IGF1R: variants seen among roughly 807,000 people sequenced by gnomAD.
IGF1R encodes insulin like growth factor 1 receptor.
IGF1R carries 44 observed loss-of-function variants against 144.6 expected under a neutral mutation model. The ratio of observed to expected loss-of-function variants is 0.30; its 90% CI spans 0.24 to 0.39. The LOEUF is 0.39. Among genes scored for constraint, IGF1R ranks in the 10% least tolerant of loss-of-function variants. IGF1R has a pLI of 1.00. For synonymous variants in IGF1R, 795 were observed against 722.8 expected (o/e 1.10, Z -1.60); for missense variants, 1,355 against 1,833.7 (o/e 0.74, Z 4.77).
rs182614808 is a variant in IGF1R at position 98,649,888 on chromosome 15, C to T, written c.94+213C>T. The stretch of plus-strand genomic sequence containing the variant: ...GTCTGGAGCCCCGCGGGCCCTGGCT[C>T]CGCGCATCCCCGCGCGGGAAGGGCT... On this transcript the variant is annotated intron_variant, in intron 1 of 20. Coordinates refer to ENST00000650285, the MANE Select transcript of IGF1R (RefSeq NM_000875.5). 3.4e-4 allele frequency among the ~76,000 whole-genome samples: 52 copies of T among 152,238 alleles called. No homozygotes were observed. The South Asian group carries it at 3.7e-3, about 11-fold the overall frequency.
chr15:98,700,160 T>C (rs1018794155), intron 1 of IGF1R, among the ~76,000 whole-genome samples: 1 of 152,206 alleles, frequency 6.6e-6, no homozygotes, highest in African/African-American at 2.4e-5. Context: ...GAATGAGGCC[T>C]AAAGAAACCC....
chr15:98,837,819 T>A (rs1466105283), intron 2 of IGF1R, among the ~76,000 whole-genome samples: 1 of 152,190 alleles, frequency 6.6e-6, no homozygotes, highest in Non-Finnish European at 1.5e-5. Context: ...CATACTTTTC[T>A]CCAGGTAACT....
intron 2 of IGF1R, among the ~76,000 whole-genome samples, chr15:98,854,673 C>G (rs368848792): frequency 6.6e-6 from 1 of 152,112 alleles, no homozygotes; most frequent in Non-Finnish European, 1.5e-5. Flanking sequence ...TGTTTCCCTG[C>G]GGGAGAATGC....
At chr15:98,721,734 T>C (rs2054251820) in intron 2 of IGF1R, among the ~76,000 whole-genome samples, 1 of 152,210 alleles carries the variant, frequency 6.6e-6, no homozygotes, top group African/African-American at 2.4e-5. Flanking sequence ...AAAACATTTT[T>C]GGATGACCAA....
intron 20 of IGF1R, among the ~76,000 whole-genome samples, chr15:98,950,482 G>T (rs1050836323): frequency 2.6e-5 from 4 of 152,212 alleles, no homozygotes; most frequent in African/African-American, 9.6e-5. Flanking sequence ...TTCTGCACTT[G>T]CAGGACTGAG....
intron 2 of IGF1R, among the ~76,000 whole-genome samples, chr15:98,868,587 G>C (rs2012596912): frequency 6.6e-6 from 1 of 152,130 alleles, no homozygotes; most frequent in African/African-American, 2.4e-5. Flanking sequence ...TAGCCTGTTG[G>C]TTAGAAGCAC....
chr15:98,779,869 G>A (rs2055813003), intron 2 of IGF1R, among the ~76,000 whole-genome samples: 2 of 152,184 alleles, frequency 1.3e-5, no homozygotes, highest in South Asian at 4.1e-4. Flanking sequence ...AGCAAAGAGA[G>A]TTAATTAGCA....
At chr15:98,726,728 T>TC (rs1241554061) in intron 2 of IGF1R, among the ~76,000 whole-genome samples, 1 of 146,844 alleles carries the variant, frequency 6.8e-6, no homozygotes, top group Non-Finnish European at 1.5e-5. Flanking sequence ...TTTTTTTTTT[T>TC]TTTTTTTTGA....
Position 98,959,097 on chromosome 15 carries a change from GT to G in IGF1R, c.*1657del, listed in dbSNP as rs936138005. 1.3e-5 allele frequency: 3 copies of G among 233,116 alleles called. No individual in the cohort carries two copies. Among genetic ancestry groups the G allele is most frequent in the African/African-American group, 6.6e-5 (3 of 45,322 alleles). The allele number at this position is 233,116 out of a possible 1,614,324, so 14.4% of individuals were successfully genotyped here. A position where few individuals can be genotyped will look rare whatever the true frequency, so the allele number is the denominator to read the frequency against. ...ACAAACTCAGGTCAGAAAAACAAAG[GT>G]TAAATATTTCACACGTCTTTGTTCA... On this transcript the variant is annotated 3_prime_UTR_variant, in exon 21 of 21. Transcript: ENST00000650285.
chr15:98,788,162 G>T (rs930262775), intron 2 of IGF1R, among the ~76,000 whole-genome samples: 1 of 151,974 alleles, frequency 6.6e-6, no homozygotes, highest in South Asian at 2.1e-4. Flanking sequence ...ATGCTATTGT[G>T]TAGGAACAAA....
At chr15:98,802,444 A>G (rs891947062) in intron 2 of IGF1R, among the ~76,000 whole-genome samples, 38 of 152,202 alleles carry the variant, frequency 2.5e-4, no homozygotes, top group Non-Finnish European at 1.2e-4. Flanking sequence ...TGACCAGGGA[A>G]GGTCATTGAA....
At chr15:98,745,640 CT>C (rs1265598407) in intron 2 of IGF1R, among the ~76,000 whole-genome samples, 1 of 152,204 alleles carries the variant, frequency 6.6e-6, no homozygotes, top group East Asian at 1.9e-4. Flanking sequence ...TTGAAGATTT[CT>C]TTATGAAAGA....
intron 2 of IGF1R, among the ~76,000 whole-genome samples, chr15:98,879,341 A>G (rs2013252229): frequency 6.6e-6 from 1 of 152,154 alleles, no homozygotes; most frequent in Non-Finnish European, 1.5e-5. Flanking sequence ...GCCCCTTCTT[A>G]ATATTGGACT....
At chr15:98,716,535 A>G (rs2054120994) in intron 2 of IGF1R, among the ~76,000 whole-genome samples, 1 of 152,232 alleles carries the variant, frequency 6.6e-6, no homozygotes, top group South Asian at 2.1e-4. Context: ...GCCACTGGCT[A>G]ACATATGGCT....
rs967881948 is a variant in IGF1R at position 98,964,203 on chromosome 15, TAAA to T, written c.*6768_*6770del. On this transcript the variant is annotated 3_prime_UTR_variant, in exon 21 of 21. Coordinates refer to ENST00000650285, the MANE Select transcript of IGF1R (RefSeq NM_000875.5). ...TAATGCATTTTCTGAGTTTTCTTGTTAAAAAAAAATTTTTTTAAGTAAGAAAAA... is the reference window on the plus strand; with the variant it reads ...TAATGCATTTTCTGAGTTTTCTTGTTAAAAAATTTTTTTAAGTAAGAAAAA... 5 of 231,474 alleles carry T rather than the reference TAAA, an allele frequency of 2.2e-5. No homozygotes were observed. Among genetic ancestry groups the T allele is most frequent in the Admixed American group, 5.7e-5 (1 of 17,678 alleles). The allele number at this position is 231,474 out of a possible 1,614,324, so 14.3% of individuals were successfully genotyped here.
chr15:98,837,106 T>A (rs544043175), intron 2 of IGF1R, among the ~76,000 whole-genome samples: 8 of 152,364 alleles, frequency 5.3e-5, no homozygotes, highest in African/African-American at 1.9e-4. Flanking sequence ...CTTTTTTCTT[T>A]TTTTGAGACA....
chr15:98,711,532 G>A (rs1310709738), intron 2 of IGF1R, among the ~76,000 whole-genome samples: 1 of 152,134 alleles, frequency 6.6e-6, no homozygotes, highest in Admixed American at 6.5e-5. Flanking sequence ...GGATTTAGGA[G>A]TGGATTTTAT....
chr15:98,924,377 T>G (rs182362438), intron 12 of IGF1R, 148 bp from the exon 13 acceptor site: 1 of 833,064 alleles, frequency 1.2e-6, no homozygotes, highest in East Asian at 2.4e-5. Context: ...TAAGATTTGA[T>G]TTCTTTGTCT....
intron 5 of IGF1R, among the ~76,000 whole-genome samples, chr15:98,903,142 T>C (rs2014568676): frequency 6.6e-6 from 1 of 152,210 alleles, no homozygotes; most frequent in Admixed American, 6.5e-5. Context: ...GTAATCCACA[T>C]GTACACAATT....
Sources: gnomAD v4.1 joint callset for allele counts (sites outside exome capture counted in the v4.1 genomes callset) on GRCh38, gnomAD v4.1.1 for gene constraint, MANE v1.5 for transcripts, NCBI Gene and HGNC (gene_info 2026-07-23, HGNC 2026-07-21) for gene names.